The following FGGY variants were observed in gnomAD, a reference collection of about 807,000 sequenced individuals.
FGGY encodes FGGY carbohydrate kinase domain containing.
In FGGY, 72 loss-of-function variants were observed where a neutral mutation model predicts 71.3. The observed-to-expected ratio is 1.01, with a 90% CI of 0.84 to 1.23. The LOEUF (loss-of-function observed/expected upper bound fraction) is 1.23, where lower values mean the gene tolerates loss of function less well. Ranked by LOEUF, FGGY falls within the 50% of genes most tolerant of loss-of-function variation. The pLI is 0.00. For synonymous variants in FGGY, 251 were observed against 250.3 expected (o/e 1.00, Z -0.02); for missense variants, 668 against 682.3 (o/e 0.98, Z 0.23).
intron 6 of FGGY, among the ~76,000 whole-genome samples, chr1:59,466,310 A>G (rs1397679160): frequency 6.6e-6 from 1 of 152,206 alleles, no homozygotes; most frequent in Non-Finnish European, 1.5e-5. Flanking sequence ...ATATGTAGAA[A>G]GCTGAAACTG....
intron 7 of FGGY, among the ~76,000 whole-genome samples, chr1:59,520,794 G>C (rs902176591): frequency 8.5e-5 from 13 of 152,176 alleles, no homozygotes; most frequent in African/African-American, 3.1e-4. Flanking sequence ...TGTTCTAAGT[G>C]TGGAAAATGT....
At chr1:59,538,927 A>T (rs1191611932) in intron 7 of FGGY, among the ~76,000 whole-genome samples, 4 of 152,048 alleles carry the variant, frequency 2.6e-5, no homozygotes, top group Non-Finnish European at 4.4e-5. Context: ...GCGCACCAAC[A>T]TGGCACGTAT....
intron 9 of FGGY, among the ~76,000 whole-genome samples, chr1:59,610,248 A>T (rs1215684041): frequency 5.6e-4 from 83 of 149,026 alleles, no homozygotes; most frequent in Non-Finnish European, 1.3e-4. Flanking sequence ...CTAACTCCCC[A>T]ACTGGCCCCA....
rs957119342 is a variant in FGGY at position 59,500,484 on chromosome 1, A to C, written c.671-11827A>C. 2.5e-4 allele frequency among the ~76,000 whole-genome samples: 38 copies of C among 152,062 alleles called. 1 individual carries two copies. The stretch of plus-strand genomic sequence containing the variant: ...TAGGAATAAATGATCTCAAATCTTC[A>C]CAGTGCCTCTTATAGATGGCTTTTA... On this transcript the variant is annotated intron_variant, in intron 6 of 15. Transcript: ENST00000303721.
intron 4 of FGGY, among the ~76,000 whole-genome samples, chr1:59,347,067 T>C (rs1307237506): frequency 6.7e-6 from 1 of 148,362 alleles, no homozygotes; most frequent in Non-Finnish European, 1.5e-5. Context: ...TTGATGCCTT[T>C]ATGCCTTTTT....
chr1:59,586,114 G>A (rs543875751), intron 8 of FGGY, among the ~76,000 whole-genome samples: 3 of 152,184 alleles, frequency 2.0e-5, no homozygotes, highest in Admixed American at 6.5e-5. Context: ...ATTCCTCAGG[G>A]ATCTAGAACT....
chr1:59,694,332 T>TAAATAAATAAAA (rs1483228173), intron 14 of FGGY, among the ~76,000 whole-genome samples: 1 of 145,766 alleles, frequency 6.9e-6, no homozygotes, highest in African/African-American at 2.5e-5. Flanking sequence ...AATAAATAAA[T>TAAATAAATAAAA]AAAATACTGA....
intron 5 of FGGY, among the ~76,000 whole-genome samples, chr1:59,455,251 G>A (rs569491970): frequency 2.0e-5 from 3 of 152,292 alleles, no homozygotes; most frequent in African/African-American, 7.2e-5. Context: ...TGGAGAAGAA[G>A]CTTTTCACTC....
chr1:59,560,414 A>G (rs2095767972), intron 8 of FGGY, among the ~76,000 whole-genome samples: 2 of 152,284 alleles, frequency 1.3e-5, no homozygotes, highest in Admixed American at 1.3e-4. Context: ...CATTAGGTAA[A>G]ATCTAAGGAA....
intron 8 of FGGY, among the ~76,000 whole-genome samples, chr1:59,586,180 A>T (rs2096282659): frequency 6.6e-6 from 1 of 152,266 alleles, no homozygotes; most frequent in Admixed American, 6.5e-5. Context: ...AAAGGATTAT[A>T]AATCATGCTA....
intron 11 of FGGY, among the ~76,000 whole-genome samples, chr1:59,653,991 T>C (rs2097195305): frequency 6.6e-6 from 1 of 152,206 alleles, no homozygotes; most frequent in Admixed American, 6.5e-5. Flanking sequence ...TTTAACGTCA[T>C]CTGGCTATTA....
At chr1:59,306,710 C>T (rs937851298) in intron 1 of FGGY, among the ~76,000 whole-genome samples, 11 of 152,078 alleles carry the variant, frequency 7.2e-5, no homozygotes, top group African/African-American at 2.7e-4. Flanking sequence ...GATTATTGTC[C>T]CCAGGACAGA....
At chr1:59,615,651 C>A (rs2153828974) in intron 9 of FGGY, among the ~76,000 whole-genome samples, 1 of 152,268 alleles carries the variant, frequency 6.6e-6, no homozygotes, top group East Asian at 1.9e-4. Flanking sequence ...CAAATGAGAT[C>A]TCATTAAACT....
intron 1 of FGGY, among the ~76,000 whole-genome samples, chr1:59,298,605 A>T (rs2042312052): frequency 6.6e-6 from 1 of 152,188 alleles, no homozygotes; most frequent in African/African-American, 2.4e-5. Context: ...TAGTTTAAAT[A>T]GTTCCCTTTA....
At chr1:59,692,543 G>A (rs1429523830) in intron 14 of FGGY, among the ~76,000 whole-genome samples, 1 of 151,496 alleles carries the variant, frequency 6.6e-6, no homozygotes, top group Non-Finnish European at 1.5e-5. Context: ...TAACTCCAAG[G>A]ATTATCATCA....
At chr1:59,589,420 C>G (rs970225107) in intron 8 of FGGY, among the ~76,000 whole-genome samples, 4 of 152,196 alleles carry the variant, frequency 2.6e-5, no homozygotes, top group African/African-American at 4.8e-5. Flanking sequence ...TTGAACTCAA[C>G]TCTGCACCAA....
rs539524929 is a variant in FGGY, at chr1:59,499,428, G to A, written c.671-12883G>A. 3.5e-4 allele frequency among the ~76,000 whole-genome samples: 53 copies of A among 150,792 alleles called. 2 individuals are homozygous for A. The South Asian group carries it at 9.4e-3, about 27-fold the overall frequency. On this transcript the variant is annotated intron_variant, in intron 6 of 15. Transcript: ENST00000303721. ...CCCAGGTGGGACCAAGCTAGATAAC[G>A]TGAGAATTCATCACACTATTCAGAA...
At chr1:59,383,432 T>C (rs1323067938) in intron 5 of FGGY, among the ~76,000 whole-genome samples, 2 of 152,112 alleles carry the variant, frequency 1.3e-5, no homozygotes, top group African/African-American at 4.8e-5. Flanking sequence ...AAAAATAAAA[T>C]TCTAAGGCCC....
At chr1:59,506,699 C>T (rs1020699909) in intron 6 of FGGY, among the ~76,000 whole-genome samples, 3 of 151,980 alleles carry the variant, frequency 2.0e-5, no homozygotes, top group Middle Eastern at 3.2e-3. Flanking sequence ...CTTGAGAAGC[C>T]GAGGCATGAG....
Sources: allele counts gnomAD v4.1 joint callset (sites outside exome capture counted in the v4.1 genomes callset), GRCh38; gene constraint gnomAD v4.1.1; transcripts MANE v1.5; gene names NCBI Gene and HGNC (gene_info 2026-07-23, HGNC 2026-07-21).